The following PCDHA11 variants were observed in gnomAD, a reference collection of about 807,000 sequenced individuals.
PCDHA11 encodes the protein protocadherin alpha-11.
A neutral mutation model predicts 70.3 loss-of-function variants in PCDHA11; 61 were observed. The observed-to-expected ratio is 0.87, with a 90% confidence interval of 0.71 to 1.07. PCDHA11 has a LOEUF of 1.07. Ranked by LOEUF, PCDHA11 falls within the 50% of genes least tolerant of loss-of-function variation. The pLI, the probability that PCDHA11 is intolerant of heterozygous loss-of-function variation, is 0.00. For missense variants in PCDHA11, 1,324 were observed against 1,237.5 expected, an observed-to-expected ratio of 1.07 and a Z score of -1.05; for synonymous variants, 633 against 555.1, an observed-to-expected ratio of 1.14 and a Z score of -1.97.
chr5:140,939,054 G>C (rs1304220594), intron 1 of PCDHA11, among the ~76,000 whole-genome samples: 1 of 152,112 alleles, frequency 6.6e-6, no homozygotes, highest in East Asian at 1.9e-4. Flanking sequence ...GTCCATTTGG[G>C]CTGCTATATC....
At chr5:140,977,589 G>A (rs567353301) in intron 1 of PCDHA11, among the ~76,000 whole-genome samples, 15 of 152,274 alleles carry the variant, frequency 9.9e-5, no homozygotes, top group Admixed American at 2.6e-4. Flanking sequence ...AGAGCAGTTA[G>A]CATGTGAGGA....
Position 140,870,906 on chromosome 5 carries a change from C to T in PCDHA11, c.1803C>T (p.Gly601=), listed in dbSNP as rs201710263. Residue 601 remains glycine (G), a synonymous_variant, in exon 1 of 4, where the codon GGC becomes GGT. Transcript: ENST00000398640. ...AKVRAVDADS[G]YNAWLSYELQ... ...TGCGCGCAGTGGATGCGGACTCAGG[C>T]TACAACGCGTGGCTTTCATATGAAT... 2 of 1,613,948 alleles carry T rather than the reference C, an allele frequency of 1.2e-6. No individual in the cohort carries two copies. Among genetic ancestry groups the T allele is most frequent in the African/African-American group, 2.7e-5 (2 of 75,066 alleles).
chr5:140,906,258 C>T (rs1162219070), intron 1 of PCDHA11, among the ~76,000 whole-genome samples: 4 of 152,180 alleles, frequency 2.6e-5, no homozygotes, highest in African/African-American at 9.7e-5. Flanking sequence ...TACACACCTC[C>T]TGAAATTATA....
chr5:140,992,226 G>A lies in PCDHA11; in HGVS notation c.2539+9663G>A, dbSNP rs926605843. On this transcript the variant is annotated intron_variant, in intron 3 of 3. Coordinates refer to ENST00000398640, the MANE Select transcript of PCDHA11 (RefSeq NM_018902.5). The stretch of plus-strand genomic sequence containing the variant: ...CAGATAAACTACTCTCCCTTCCTGG[G>A]AAGAGTAAGGAAGGAAGTAGAGCTA... Among the ~76,000 whole-genome samples the A allele has an allele frequency of 5.3e-5, 8 of 152,256 alleles. No individual in the cohort carries two copies. The East Asian group carries it at 1.5e-3, about 29-fold the overall frequency.
chr5:140,941,373 G>A (rs576282436), intron 1 of PCDHA11, among the ~76,000 whole-genome samples: 2 of 134,082 alleles, frequency 1.5e-5, no homozygotes, highest in South Asian at 5.1e-4. Flanking sequence ...CTGGAGTGTA[G>A]TGACAGGATT....
intron 1 of PCDHA11, among the ~76,000 whole-genome samples, chr5:140,974,729 G>C (rs1007565470): frequency 2.6e-5 from 4 of 152,032 alleles, no homozygotes; most frequent in African/African-American, 9.7e-5. Flanking sequence ...TCGAACTCCT[G>C]TCTCCACCTT....
intron 1 of PCDHA11, among the ~76,000 whole-genome samples, chr5:140,965,602 A>G (rs1319736678): frequency 6.6e-6 from 1 of 152,126 alleles, no homozygotes; most frequent in African/African-American, 2.4e-5. Context: ...AGACTCTTGA[A>G]GACATTGTCA....
chr5:140,955,030 A>T (rs1453200706), intron 1 of PCDHA11, among the ~76,000 whole-genome samples: 2 of 152,312 alleles, frequency 1.3e-5, no homozygotes, highest in African/African-American at 4.8e-5. Context: ...TTAAATAGGG[A>T]ATCTTTTCCT....
intron 1 of PCDHA11, among the ~76,000 whole-genome samples, chr5:140,923,449 G>A (rs189150090): frequency 6.6e-6 from 1 of 152,166 alleles, no homozygotes; most frequent in African/African-American, 2.4e-5. Flanking sequence ...GATCACCTGA[G>A]CCCAGAGAGG....
intron 1 of PCDHA11, chr5:140,884,070 C>T: frequency 1.2e-6 from 2 of 1,613,516 alleles, no homozygotes; most frequent in Non-Finnish European, 1.7e-6. Context: ...GACGCCGATT[C>T]GGGCTACAAT....
At chr5:140,925,187 C>T (rs2082372782) in intron 1 of PCDHA11, among the ~76,000 whole-genome samples, 1 of 152,134 alleles carries the variant, frequency 6.6e-6, no homozygotes, top group Admixed American at 6.5e-5. Flanking sequence ...TGTACCATCA[C>T]CCAGCTTCAA....
chr5:140,963,770 C>T (rs1296794666), intron 1 of PCDHA11, among the ~76,000 whole-genome samples: 2 of 152,176 alleles, frequency 1.3e-5, no homozygotes, highest in Non-Finnish European at 2.9e-5. Context: ...TATTTCATGA[C>T]GACAGCAACA....
rs548266069 is a variant in PCDHA11 at position 140,886,217 on chromosome 5, T to G, written c.2391+14723T>G. Among the ~76,000 whole-genome samples, 388 of 152,238 alleles carry G rather than the reference T, an allele frequency of 2.5e-3. 1 individual carries two copies. Among genetic ancestry groups the G allele is most frequent in the African/African-American group, 9.1e-3 (377 of 41,582 alleles). Reference sequence around the variant, plus strand: ...GTAATCTGTTCTCCATTTCTCTAATTTTGTTACTTTTACTTCAGAAATAAA... The same window carrying G: ...GTAATCTGTTCTCCATTTCTCTAATGTTGTTACTTTTACTTCAGAAATAAA... On this transcript the variant is annotated intron_variant, in intron 1 of 3. Coordinates refer to ENST00000398640, the MANE Select transcript of PCDHA11 (RefSeq NM_018902.5).
chr5:140,914,145 G>A lies in PCDHA11; in HGVS notation c.2391+42651G>A, dbSNP rs2076623510. Among the ~76,000 whole-genome samples the A allele has an allele frequency of 3.3e-5, 5 of 152,138 alleles. 1 individual carries two copies. The South Asian group carries it at 1.0e-3, about 32-fold the overall frequency. On this transcript the variant is annotated intron_variant, in intron 1 of 3. Transcript: ENST00000398640. ...TTCTTTGTTGAGTTTTTGTCTGTCAGTTCTGTCCAATACGGAAAGTGGGGT... is the reference window on the plus strand; with the variant it reads ...TTCTTTGTTGAGTTTTTGTCTGTCAATTCTGTCCAATACGGAAAGTGGGGT...
At position 140,870,900 on chromosome 5, in the gene PCDHA11, C is replaced by T; in HGVS notation, c.1797C>T (p.Asp599=). The T allele has an allele frequency of 6.2e-7, 1 of 1,613,956 alleles. No individual in the cohort carries two copies. Among genetic ancestry groups the T allele is most frequent in the Non-Finnish European group, 8.5e-7 (1 of 1,179,908 alleles). Reference sequence around the variant, plus strand: ...CGAAGGTGCGCGCAGTGGATGCGGACTCAGGCTACAACGCGTGGCTTTCAT... The same window carrying T: ...CGAAGGTGCGCGCAGTGGATGCGGATTCAGGCTACAACGCGTGGCTTTCAT... The part of the protein sequence containing the change: ...VVAKVRAVDA[D]SGYNAWLSYE... The change falls in exon 1 of 4, where the codon GAC becomes GAT. Residue 599 remains aspartate, a synonymous_variant. Coordinates refer to ENST00000398640, the MANE Select transcript of PCDHA11 (RefSeq NM_018902.5).
At chr5:140,888,222 G>T (rs956304839) in intron 1 of PCDHA11, among the ~76,000 whole-genome samples, 1 of 152,168 alleles carries the variant, frequency 6.6e-6, no homozygotes, top group African/African-American at 2.4e-5. Flanking sequence ...GTGTGTGTGT[G>T]CATGTGTGTG....
At chr5:140,964,199 A>C (rs1183847716) in intron 1 of PCDHA11, among the ~76,000 whole-genome samples, 1 of 152,240 alleles carries the variant, frequency 6.6e-6, no homozygotes, top group Admixed American at 6.5e-5. Context: ...AGAGTATACC[A>C]TCTCTTTAGT....
At chr5:140,980,852 T>G (rs1233523507) in intron 2 of PCDHA11, among the ~76,000 whole-genome samples, 5 of 152,184 alleles carry the variant, frequency 3.3e-5, no homozygotes, top group African/African-American at 1.2e-4. Flanking sequence ...TACTAATCTT[T>G]TTCGTATGTG....
chr5:140,985,739 CTTTTT>C (rs11372071), intron 3 of PCDHA11, among the ~76,000 whole-genome samples: 1 of 117,916 alleles, frequency 8.5e-6, no homozygotes, highest in Non-Finnish European at 1.7e-5. Context: ...TGATGAATTC[CTTTTT>C]TTTTTTTTTT....
Sources: gnomAD v4.1 joint callset for allele counts (sites outside exome capture counted in the v4.1 genomes callset) on GRCh38, gnomAD v4.1.1 for gene constraint, MANE v1.5 for transcripts, NCBI Gene and HGNC (gene_info 2026-07-23, HGNC 2026-07-21) for gene names.